OPCML: variants seen among roughly 807,000 people sequenced by gnomAD.
OPCML encodes opioid-binding protein/cell adhesion molecule.
OPCML carries 13 observed loss-of-function variants against 37.8 expected under a neutral mutation model. The ratio of observed to expected loss-of-function variants is 0.34; its 90% CI spans 0.22 to 0.55. OPCML has a LOEUF of 0.55. Among genes scored for constraint, OPCML ranks in the 20% least tolerant of loss-of-function variants. OPCML has a pLI of 0.91. For synonymous variants in OPCML, 176 were observed against 168.8 expected (o/e 1.04, Z -0.33); for missense variants, 341 against 435.6 (o/e 0.78, Z 1.93).
In OPCML at chr11:132,962,305, G is replaced by A. The variant is rs146721209; in HGVS notation, c.62-19295C>T. 6.6e-3 allele frequency among the ~76,000 whole-genome samples: 1,006 copies of A among 152,266 alleles called. 11 individuals carry two copies. Among genetic ancestry groups the A allele is most frequent in the African/African-American group, 0.023 (949 of 41,560 alleles). On this transcript the variant is annotated intron_variant, in intron 1 of 7. Transcript: ENST00000524381. Reference sequence around the variant, plus strand: ...CAGCCCAATTATCTCAGCCAATCCCGGCCCGGGCTCTCTCTGCCTGCTCAC... The same window carrying A: ...CAGCCCAATTATCTCAGCCAATCCCAGCCCGGGCTCTCTCTGCCTGCTCAC...
chr11:132,721,950 C>CTTTTT (rs34325848), intron 2 of OPCML, among the ~76,000 whole-genome samples: 49 of 82,778 alleles, frequency 5.9e-4, no homozygotes, highest in East Asian at 1.3e-3. Flanking sequence ...CTTTCCTTCC[C>CTTTTT]TTTTTTTTTT....
chr11:132,653,124 T>C (rs935942030), intron 3 of OPCML, among the ~76,000 whole-genome samples: 2 of 152,214 alleles, frequency 1.3e-5, no homozygotes, highest in Admixed American at 6.5e-5. Flanking sequence ...GTTTGTGTGT[T>C]GTTTATCTCT....
intron 4 of OPCML, among the ~76,000 whole-genome samples, chr11:132,463,651 A>T (rs191030355): frequency 1.1e-3 from 164 of 152,332 alleles, no homozygotes; most frequent in Admixed American, 2.7e-3. Context: ...CTCCTGAGCC[A>T]TTTGACCTTT....
intron 1 of OPCML, among the ~76,000 whole-genome samples, chr11:133,419,030 C>A (rs146253342): frequency 6.6e-6 from 1 of 152,304 alleles, no homozygotes; most frequent in East Asian, 1.9e-4. Flanking sequence ...CAATAACACT[C>A]CTGTTCCCTA....
At chr11:133,000,333 G>A (rs569275476) in intron 1 of OPCML, among the ~76,000 whole-genome samples, 32 of 152,234 alleles carry the variant, frequency 2.1e-4, no homozygotes, top group Admixed American at 1.0e-3. Flanking sequence ...GGCTGATCTC[G>A]AACTCCCGTC....
In OPCML at chr11:133,243,200, G is replaced by A. The variant is rs77761574; in HGVS notation, c.61+289064C>T. On this transcript the variant is annotated intron_variant, in intron 1 of 7. Transcript: ENST00000524381. ...ACTGGTTTCTAACACCAGTTACAACGCTGAAAGAATATCTAGTGCAGTACT... is the reference window on the plus strand; with the variant it reads ...ACTGGTTTCTAACACCAGTTACAACACTGAAAGAATATCTAGTGCAGTACT... Among the ~76,000 whole-genome samples, 24 of 152,262 alleles carry A rather than the reference G, an allele frequency of 1.6e-4. No individual in the cohort carries two copies. The East Asian group carries it at 4.4e-3, about 28-fold the overall frequency.
chr11:133,004,497 T>C, intron 1 of OPCML: 1 of 985,448 alleles, frequency 1.0e-6, no homozygotes, highest in Non-Finnish European at 1.2e-6. Flanking sequence ...AGTCTGAAGA[T>C]GCCCTCTGCA....
chr11:132,568,051 C>T (rs1055057508), intron 3 of OPCML, among the ~76,000 whole-genome samples: 50 of 149,986 alleles, frequency 3.3e-4, no homozygotes, highest in Admixed American at 6.6e-4. Context: ...TGCGCGCGCG[C>T]GCGTGTGTGT....
At chr11:132,648,709 C>A (rs1431087379) in intron 3 of OPCML, among the ~76,000 whole-genome samples, 1 of 152,064 alleles carries the variant, frequency 6.6e-6, no homozygotes, top group Non-Finnish European at 1.5e-5. Flanking sequence ...AAACCAGGTG[C>A]CAGGACTGGC....
At chr11:133,216,603 TTA>T (rs1487681055) in intron 1 of OPCML, among the ~76,000 whole-genome samples, 4 of 152,208 alleles carry the variant, frequency 2.6e-5, no homozygotes, top group Non-Finnish European at 5.9e-5. Context: ...GTATGGTAAT[TTA>T]TATGTGTCAC....
At chr11:133,154,518 C>T (rs1950029850) in intron 1 of OPCML, among the ~76,000 whole-genome samples, 1 of 151,888 alleles carries the variant, frequency 6.6e-6, no homozygotes, top group South Asian at 2.1e-4. Context: ...GAAAAGGTCT[C>T]TTCATCCCAT....
intron 1 of OPCML, among the ~76,000 whole-genome samples, chr11:133,490,008 C>T (rs1005355651): frequency 3.3e-5 from 5 of 151,998 alleles, no homozygotes; most frequent in African/African-American, 1.2e-4. Flanking sequence ...AACTGGAGAC[C>T]ATTATCGTAA....
In OPCML at chr11:133,312,713, C is replaced by A. The variant is rs547480350; in HGVS notation, c.61+219551G>T. On this transcript the variant is annotated intron_variant, in intron 1 of 7. Coordinates refer to ENST00000524381, the MANE Select transcript of OPCML (RefSeq NM_001012393.5). The stretch of plus-strand genomic sequence containing the variant: ...CTTCTACTACTTGCAAGGGGTTCAC[C>A]ACCTGCTTAGCTAAAAAATAGAGTT... Among the ~76,000 whole-genome samples, 3 of 152,280 alleles carry A rather than the reference C, an allele frequency of 2.0e-5. No homozygotes were observed. The East Asian group carries it at 5.8e-4, about 29-fold the overall frequency.
intron 4 of OPCML, among the ~76,000 whole-genome samples, chr11:132,449,678 C>G (rs1346037962): frequency 6.6e-6 from 1 of 152,166 alleles, no homozygotes; most frequent in South Asian, 2.1e-4. Flanking sequence ...TCAGCACCAA[C>G]AGGTTCAGAG....
chr11:133,012,077 T>C (rs1229509459), intron 1 of OPCML, among the ~76,000 whole-genome samples: 3 of 152,180 alleles, frequency 2.0e-5, no homozygotes, highest in Non-Finnish European at 4.4e-5. Flanking sequence ...CTGGGGACAA[T>C]TTTACTTAAC....
chr11:133,167,662 T>C (rs1011913133), intron 1 of OPCML, among the ~76,000 whole-genome samples: 11 of 152,102 alleles, frequency 7.2e-5, no homozygotes, highest in African/African-American at 2.7e-4. Context: ...CCAGGGTGAT[T>C]CGTCCACTGT....
rs75308943 is a variant in OPCML, at chr11:132,727,751, T to C, written c.147-70432A>G. Among the ~76,000 whole-genome samples, 583 of 152,290 alleles carry C rather than the reference T, an allele frequency of 3.8e-3. 4 individuals carry two copies. The highest frequency in any genetic ancestry group is 0.013 in the African/African-American group (555 of 41,570). ...TCCAGTCGGGAAAATACTCATGGAA[T>C]AAAATATCCTCCTACAGCCCTATGA... On this transcript the variant is annotated intron_variant, in intron 2 of 7. Transcript: ENST00000524381.
At chr11:132,872,388 G>A (rs12794443) in intron 2 of OPCML, among the ~76,000 whole-genome samples, 22,659 of 152,044 alleles carry the variant, frequency 0.15, 1,842 homozygotes, top group Non-Finnish European at 0.18. Context: ...AACGAATCGC[G>A]GATCGAAAAG....
intron 1 of OPCML, among the ~76,000 whole-genome samples, chr11:133,377,366 G>A (rs923223609): frequency 2.0e-5 from 3 of 152,082 alleles, no homozygotes; most frequent in Non-Finnish European, 4.4e-5. Context: ...AGGCTGGAAT[G>A]CTAAGAACTA....
Sources: allele counts gnomAD v4.1 joint callset (sites outside exome capture counted in the v4.1 genomes callset), GRCh38; gene constraint gnomAD v4.1.1; transcripts MANE v1.5; gene names NCBI Gene and HGNC (gene_info 2026-07-23, HGNC 2026-07-21).